The following COL27A1 variants were observed in gnomAD, a reference collection of about 807,000 sequenced individuals.
COL27A1 encodes collagen alpha-1(XXVII) chain.
A neutral mutation model predicts 251.3 loss-of-function variants in COL27A1; 106 were observed. The ratio of observed to expected loss-of-function variants is 0.42; its 90% CI spans 0.36 to 0.50. COL27A1 has a LOEUF of 0.50. Ranked by LOEUF, COL27A1 falls within the 20% of genes least tolerant of loss-of-function variation. The probability of loss-of-function intolerance (pLI) is 0.00; values close to 1 mark genes in which losing one functional copy is unlikely to be tolerated. For missense variants in COL27A1, 2,325 were observed against 2,522.8 expected, an observed-to-expected ratio of 0.92 and a Z score of 1.68; for synonymous variants, 1,000 against 986.3, an observed-to-expected ratio of 1.01 and a Z score of -0.26.
chr9:114,267,821 C>T (rs959942780), intron 34 of COL27A1, among the ~76,000 whole-genome samples: 7 of 152,328 alleles, frequency 4.6e-5, no homozygotes, highest in Middle Eastern at 3.4e-3. Flanking sequence ...TCATGCGATA[C>T]CATCTGCAGC....
At chr9:114,184,703 C>T (rs918484200) in intron 5 of COL27A1, among the ~76,000 whole-genome samples, 9 of 152,202 alleles carry the variant, frequency 5.9e-5, no homozygotes, top group Admixed American at 1.3e-4. Flanking sequence ...CTCATTTGAT[C>T]ACCACAAAGA....
chr9:114,258,702 G>A, intron 28 of COL27A1, 108 bp downstream of exon 28: 1 of 1,158,566 alleles, frequency 8.6e-7, no homozygotes, highest in Non-Finnish European at 1.3e-6. Context: ...CCAGCTCTGG[G>A]ATCTGTGACT....
rs377083574 is a variant in COL27A1 at position 114,283,759 on chromosome 9, T to C, written c.3930T>C (p.Tyr1310=). Reference sequence around the variant, plus strand: ...AAGGAGAACCGGGACTGGCTGGTTATGATGTAAGCAGATATCACCTCACCC... The same window carrying C: ...AAGGAGAACCGGGACTGGCTGGTTACGATGTAAGCAGATATCACCTCACCC... ...GAQGEPGLAG[Y]DGHKGIVGPL... The change falls in exon 40 of 61, where the codon TAT becomes TAC. Residue 1310 remains tyrosine, a synonymous_variant. Coordinates refer to ENST00000356083, the MANE Select transcript of COL27A1 (RefSeq NM_032888.4). The C allele has an allele frequency of 5.0e-6, 8 of 1,614,034 alleles. No homozygotes were observed. The highest frequency in any genetic ancestry group is 6.8e-6 in the Non-Finnish European group (8 of 1,179,974).
intron 7 of COL27A1, among the ~76,000 whole-genome samples, chr9:114,202,523 G>A (rs1398686674): frequency 6.6e-6 from 1 of 152,182 alleles, no homozygotes; most frequent in Non-Finnish European, 1.5e-5. Flanking sequence ...GAAAAATGAT[G>A]ATCACGGCTG....
In COL27A1 at chr9:114,207,455, T is replaced by C. The variant is rs1163891510; in HGVS notation, c.2268+1159T>C. Among the ~76,000 whole-genome samples, 4 of 152,112 alleles carry C rather than the reference T, an allele frequency of 2.6e-5. No individual in the cohort carries two copies. In the South Asian group the frequency reaches 8.3e-4, roughly 31 times the overall value. Reference sequence around the variant, plus strand: ...GACCCCCTAAACCCAAGGAGAAAGGTCTTCTCAGTCCAGCCCCAGTCCTGA... The same window carrying C: ...GACCCCCTAAACCCAAGGAGAAAGGCCTTCTCAGTCCAGCCCCAGTCCTGA... On this transcript the variant is annotated intron_variant, in intron 10 of 60. Coordinates refer to ENST00000356083, the MANE Select transcript of COL27A1 (RefSeq NM_032888.4).
intron 1 of COL27A1, among the ~76,000 whole-genome samples, chr9:114,160,024 A>G (rs1848383251): frequency 6.6e-6 from 1 of 152,220 alleles, no homozygotes; most frequent in Non-Finnish European, 1.5e-5. Flanking sequence ...GGCCCCATGA[A>G]AAGGCATTCT....
rs114956573 is a variant in COL27A1 at position 114,207,339 on chromosome 9, G to A, written c.2268+1043G>A. Among the ~76,000 whole-genome samples the A allele has an allele frequency of 4.6e-3, 698 of 152,300 alleles. 6 individuals are homozygous for A. The highest frequency in any genetic ancestry group is 0.016 in the African/African-American group (669 of 41,556). On this transcript the variant is annotated intron_variant, in intron 10 of 60. Coordinates refer to ENST00000356083, the MANE Select transcript of COL27A1 (RefSeq NM_032888.4). The stretch of plus-strand genomic sequence containing the variant: ...GAGGTGCATTCCCCAGGAGGTTACT[G>A]TGACAGGCAGGGCCTAAGGAGGCTC...
chr9:114,171,822 G>C (rs778375547), intron 3 of COL27A1, among the ~76,000 whole-genome samples: 17 of 152,108 alleles, frequency 1.1e-4, no homozygotes, highest in Non-Finnish European at 2.2e-4. Context: ...CCACAGGCGC[G>C]GTGTCTCCTT....
intron 54 of COL27A1, 99 bp from the exon 55 acceptor site, chr9:114,301,583 A>G (rs1828641989): frequency 6.6e-7 from 1 of 1,524,930 alleles, no homozygotes; most frequent in South Asian, 1.2e-5. Flanking sequence ...CAGAGGAACC[A>G]TTGTCCCTGG....
intron 36 of COL27A1, 55 bp from the exon 37 acceptor site, chr9:114,275,606 C>G (rs1835443977): frequency 7.9e-7 from 1 of 1,262,346 alleles, no homozygotes; most frequent in Admixed American, 2.2e-5. Context: ...CTCTGATGCA[C>G]TTGGCAACTA....
At position 114,288,717 on chromosome 9, in the gene COL27A1, C is replaced by G. The variant is rs753461513; in HGVS notation, c.4060C>G (p.Arg1354Gly). ...PPGDRGPVGD[R>G]GDRGEPGDPG... is the part of the protein sequence containing the mutation. Reference sequence around the variant, plus strand: ...TGTCATTCAGGGCCCTGTGGGTGATCGAGGAGACCGCGGGGAACCGGGAGA... The same window carrying G: ...TGTCATTCAGGGCCCTGTGGGTGATGGAGGAGACCGCGGGGAACCGGGAGA... Residue 1354 changes from arginine to glycine, a missense_variant, in exon 43 of 61, where the codon CGA becomes GGA. Arg to Gly is a moderately radical substitution (Grantham distance 125, BLOSUM62 -2). This residue lies in a region of COL27A1 where 662 missense variants were observed against 795.3 expected (regional missense o/e 0.83). Transcript: ENST00000356083. 4 of 1,610,602 alleles carry G rather than the reference C, an allele frequency of 2.5e-6. No homozygotes were observed. In the South Asian group the frequency reaches 4.4e-5, roughly 18 times the overall value.
rs141872540 is a variant in COL27A1 at position 114,169,408 on chromosome 9, C to T, written c.1853C>T (p.Thr618Met). ...GYSIFHLAGSTPFPLLMGPPG... is the reference protein window; with the variant it reads ...GYSIFHLAGSMPFPLLMGPPG... ...TCGATCTTCCACCTGGCAGGATCTA[C>T]GCCTTTCCCTCTGCTGATGGGGCCT... The change falls in exon 3 of 61, where the codon ACG becomes ATG. Residue 618 changes from threonine to methionine, a missense_variant. Coordinates refer to ENST00000356083, the MANE Select transcript of COL27A1 (RefSeq NM_032888.4). 94 of 1,594,158 alleles carry T rather than the reference C, an allele frequency of 5.9e-5. No homozygotes were observed. Among genetic ancestry groups the T allele is most frequent in the East Asian group, 8.9e-5 (4 of 44,752 alleles).
At chr9:114,301,415 ACT>A (rs779526178) in intron 53 of COL27A1, 28 bp from the exon 54 acceptor site, 2 of 1,606,728 alleles carry the variant, frequency 1.2e-6, no homozygotes, top group African/African-American at 2.8e-5. Context: ...AGGTTCCCTA[ACT>A]CTCTCCCCTG....
chr9:114,162,957 T>C (rs1848600809), intron 2 of COL27A1, among the ~76,000 whole-genome samples, 172 bp downstream of exon 2: 1 of 151,898 alleles, frequency 6.6e-6, no homozygotes, highest in African/African-American at 2.4e-5. Flanking sequence ...AAGAATGACA[T>C]TTGAGGCCAG....
chr9:114,268,347 G>C (rs905562103), intron 34 of COL27A1, among the ~76,000 whole-genome samples: 1 of 152,132 alleles, frequency 6.6e-6, no homozygotes, highest in African/African-American at 2.4e-5. Flanking sequence ...GAGCAGGGCT[G>C]GGGGCTCAGA....
chr9:114,290,768 C>T lies in COL27A1; in HGVS notation c.4369-42C>T, dbSNP rs371943942. 66 of 1,439,796 alleles carry T rather than the reference C, an allele frequency of 4.6e-5. No homozygotes were observed. Among genetic ancestry groups the T allele is most frequent in the Non-Finnish European group, 5.7e-5 (61 of 1,062,328 alleles). The allele number at this position is 1,439,796 out of a possible 1,614,324, so 89.2% of individuals were successfully genotyped here. A position where few individuals can be genotyped will look rare whatever the true frequency, so the allele number is the denominator to read the frequency against. On this transcript the variant is annotated intron_variant, in intron 47 of 60. Transcript: ENST00000356083. This position sits in a 1 kb window ranked among gnomAD's most constrained non-coding sequence, Gnocchi z 4.6. ...GAGCCATCTGCTTCCTTGGCTGTAT[C>T]GTGAAACACAAGAGACCCTCCTCTG...
intron 19 of COL27A1, among the ~76,000 whole-genome samples, chr9:114,239,194 C>G (rs908734318): frequency 2.0e-5 from 3 of 152,254 alleles, no homozygotes; most frequent in Admixed American, 2.0e-4. Flanking sequence ...TGAATTATCT[C>G]TCACTCATCA....
In COL27A1 at chr9:114,267,537, C is replaced by G; in HGVS notation, c.3481C>G (p.Pro1161Ala). The G allele has an allele frequency of 6.3e-7, 1 of 1,592,606 alleles. No homozygotes were observed. The highest frequency in any genetic ancestry group is 8.5e-7 in the Non-Finnish European group (1 of 1,172,636). ...TGGTGCAGTGGGAGAACCGGGCCTT[C>G]CTGGGGAAGCCGGGATGAAGGTGAG... is the stretch of plus-strand genomic sequence containing the variant. ...PPGAVGEPGL[P>A]GEAGMKGDLG... The change falls in exon 34 of 61, where the codon CCT becomes GCT. Residue 1161 changes from proline to alanine, a missense_variant. Pro to Ala is a conservative substitution (Grantham distance 27, BLOSUM62 -1). This residue lies in a region of COL27A1 where 662 missense variants were observed against 795.3 expected (regional missense o/e 0.83). Transcript: ENST00000356083.
In COL27A1 at chr9:114,164,024, G is replaced by A. The variant is rs184672509; in HGVS notation, c.133+1239G>A. Among the ~76,000 whole-genome samples, 389 of 152,222 alleles carry A rather than the reference G, an allele frequency of 2.6e-3. 3 individuals are homozygous for A. The highest frequency in any genetic ancestry group is 8.8e-3 in the African/African-American group (364 of 41,536). ...GGGGTGCTGGATGTGTCTCCACCCT[G>A]CTTTCCGACAAGCCTGGGAGGCCCC... On this transcript the variant is annotated intron_variant, in intron 2 of 60. Transcript: ENST00000356083.
Sources: allele counts gnomAD v4.1 joint callset (sites outside exome capture counted in the v4.1 genomes callset), GRCh38; gene constraint gnomAD v4.1.1; regional missense constraint gnomAD v4.1.1; non-coding constraint Gnocchi (gnomAD v3.1); transcripts MANE v1.5; gene names NCBI Gene and HGNC (gene_info 2026-07-23, HGNC 2026-07-21).